Variants in MMS19 observed in about 807,000 individuals in gnomAD.
MMS19 encodes the protein MMS19 nucleotide excision repair protein homolog.
A neutral mutation model predicts 129.8 loss-of-function variants in MMS19; 77 were observed. That is an observed-to-expected ratio of 0.59 (90% CI 0.49 to 0.72). The LOEUF (loss-of-function observed/expected upper bound fraction) is 0.72. MMS19 is among the 30% of genes least tolerant of loss of function. The pLI, the probability that MMS19 is intolerant of heterozygous loss-of-function variation, is 0.00. For missense variants in MMS19, 1,168 were observed against 1,266.3 expected (o/e 0.92, Z 1.18); for synonymous variants, 491 against 502.8 (o/e 0.98, Z 0.31).
intron 1 of MMS19, 71 bp from the exon 2 acceptor site, chr10:97,484,222 T>C: frequency 9.3e-7 from 1 of 1,073,182 alleles, no homozygotes; most frequent in Non-Finnish European, 1.3e-6. Flanking sequence ...TAACACTAAT[T>C]ATAATGTTTC....
chr10:97,461,737 A>T, intron 22 of MMS19, 91 bp downstream of exon 22: 1 of 1,543,102 alleles, frequency 6.5e-7, no homozygotes, highest in Non-Finnish European at 8.8e-7. Context: ...TGGTGGGGGA[A>T]GTAAAAGATC....
chr10:97,476,807 T>C (rs773712875), intron 7 of MMS19, 28 bp downstream of exon 7: 5 of 1,613,718 alleles, frequency 3.1e-6, no homozygotes, highest in Non-Finnish European at 1.7e-6. Flanking sequence ...AAAGCTCCAA[T>C]GAGCTAATCA....
At chr10:97,459,906 A>G in intron 26 of MMS19, 140 bp downstream of exon 26, 1 of 1,039,392 alleles carries the variant, frequency 9.6e-7, no homozygotes, top group Admixed American at 2.5e-5. Flanking sequence ...GAAGTGGGAC[A>G]AGAATCTAGA....
At chr10:97,470,247 G>A (rs772709332) in intron 9 of MMS19, 44 bp from the exon 10 acceptor site, 2 of 1,380,844 alleles carry the variant, frequency 1.4e-6, no homozygotes, top group Non-Finnish European at 1.0e-6. Flanking sequence ...TGGGTGGTGT[G>A]TCAGTCACAT....
intron 23 of MMS19, 193 bp downstream of exon 23, chr10:97,461,298 CTTCTT>C: frequency 1.5e-6 from 1 of 652,708 alleles, no homozygotes; most frequent in South Asian, 2.0e-5. Context: ...GCTCCCTTCT[CTTCTT>C]AGGTACTATA....
Position 97,470,848 on chromosome 10 carries a change from G to A in MMS19, c.698C>T (p.Pro233Leu). The A allele has an allele frequency of 6.2e-7, 1 of 1,613,586 alleles. No individual in the cohort carries two copies. Among genetic ancestry groups the A allele is most frequent in the Admixed American group, 1.7e-5 (1 of 59,996 alleles). ...GAGGTCTTCTCTCTGGATACCATGGGGATCATTAGGTGGCTGGAAAAGGGA... is the reference window on the plus strand; with the variant it reads ...GAGGTCTTCTCTCTGGATACCATGGAGATCATTAGGTGGCTGGAAAAGGGA... The part of the protein sequence containing the change: ...PIDFTPPPND[P>L]HGIQREDLIL... The change falls in exon 9 of 31, where the codon CCC becomes CTC. Residue 233 changes from proline to leucine, a missense_variant. By Grantham distance (98) the Pro-to-Leu change is moderately conservative. Coordinates refer to ENST00000438925, the MANE Select transcript of MMS19 (RefSeq NM_022362.5).
chr10:97,471,679 T>A (rs1169185737), intron 8 of MMS19, among the ~76,000 whole-genome samples: 1 of 152,060 alleles, frequency 6.6e-6, no homozygotes, highest in Non-Finnish European at 1.5e-5. Context: ...TGGCTAATTT[T>A]TATATATTTT....
rs1296520186 is a variant in MMS19 at position 97,476,098 on chromosome 10, C to CT, written c.684+584dup. 2.6e-5 allele frequency among the ~76,000 whole-genome samples: 4 copies of CT among 152,338 alleles called. No homozygotes were observed. The East Asian group carries it at 5.8e-4, about 22-fold the overall frequency. ...CACACACCCACACGGTGATGAAACT[C>CT]TTGAGTATTTGGCAGTAGAAGGGAA... is the stretch of plus-strand genomic sequence containing the variant. On this transcript the variant is annotated intron_variant, in intron 8 of 30. Coordinates refer to ENST00000438925, the MANE Select transcript of MMS19 (RefSeq NM_022362.5).
At chr10:97,470,937 C>A in intron 8 of MMS19, 76 bp from the exon 9 acceptor site, 1 of 1,229,172 alleles carries the variant, frequency 8.1e-7, no homozygotes, top group Non-Finnish European at 1.2e-6. Flanking sequence ...CCTGGTAACC[C>A]TGCAGAACAG....
chr10:97,477,959 C>T (rs368635763), intron 4 of MMS19, 30 bp from the exon 5 acceptor site: 19 of 1,488,704 alleles, frequency 1.3e-5, no homozygotes, highest in African/African-American at 4.2e-5. Context: ...ACGTGAATAC[C>T]GAAGGAATTG....
chr10:97,491,308 C>A (rs1458123595), intron 1 of MMS19, among the ~76,000 whole-genome samples: 2 of 152,206 alleles, frequency 1.3e-5, no homozygotes, highest in Non-Finnish European at 1.5e-5. Flanking sequence ...GGAACGAAGG[C>A]TCTAAGACAA....
chr10:97,461,427 A>G (rs947291959), intron 23 of MMS19, 69 bp downstream of exon 23: 19 of 1,533,780 alleles, frequency 1.2e-5, no homozygotes, highest in Non-Finnish European at 1.6e-5. Context: ...AAAGAGAATG[A>G]GTACTGAGCT....
At chr10:97,467,134 A>C (rs1226565491) in intron 14 of MMS19, among the ~76,000 whole-genome samples, 1 of 152,170 alleles carries the variant, frequency 6.6e-6, no homozygotes, top group Non-Finnish European at 1.5e-5. Flanking sequence ...ATGTGCCAAC[A>C]GGCCTGGCTA....
chr10:97,460,648 A>G (rs1274543627), intron 25 of MMS19, 47 bp downstream of exon 25: 2 of 1,494,502 alleles, frequency 1.3e-6, no homozygotes, highest in Non-Finnish European at 1.8e-6. Context: ...GAGCAACCAG[A>G]AAGTTTGTTT....
At chr10:97,491,587 C>G (rs563068029) in intron 1 of MMS19, among the ~76,000 whole-genome samples, 9 of 152,332 alleles carry the variant, frequency 5.9e-5, no homozygotes, top group Admixed American at 3.3e-4. Flanking sequence ...ATTGCTTGAA[C>G]CTGGGAGGCA....
intron 9 of MMS19, among the ~76,000 whole-genome samples, chr10:97,470,468 C>T (rs1303999994): frequency 1.3e-5 from 2 of 152,084 alleles, no homozygotes; most frequent in Non-Finnish European, 2.9e-5. Flanking sequence ...TTTTGTGTAG[C>T]GGAGACGAGG....
At chr10:97,486,864 T>C (rs1183232247) in intron 1 of MMS19, among the ~76,000 whole-genome samples, 5 of 47,794 alleles carry the variant, frequency 1.0e-4, no homozygotes, top group African/African-American at 3.8e-4. Flanking sequence ...TAAAGTGCCA[T>C]ATATATATAT....
chr10:97,497,929 G>C (rs1321621163), intron 1 of MMS19, among the ~76,000 whole-genome samples: 1 of 152,180 alleles, frequency 6.6e-6, no homozygotes, highest in East Asian at 1.9e-4. Flanking sequence ...TGAGCACCCG[G>C]TTCGGACCTG....
At chr10:97,466,975 G>C in intron 14 of MMS19, 74 bp from the exon 15 acceptor site, 2 of 1,573,734 alleles carry the variant, frequency 1.3e-6, no homozygotes, top group Non-Finnish European at 1.7e-6. Flanking sequence ...GTGATACACA[G>C]CCAACCTGGG....
Sources: allele counts gnomAD v4.1 joint callset (sites outside exome capture counted in the v4.1 genomes callset), GRCh38; gene constraint gnomAD v4.1.1; transcripts MANE v1.5; gene names NCBI Gene and HGNC (gene_info 2026-07-23, HGNC 2026-07-21).